SLC35F4: variants seen among roughly 807,000 people sequenced by gnomAD.
SLC35F4 encodes the protein solute carrier family 35 member F4, also known as chromosome 14 open reading frame 36.
Under a neutral mutation model 44.2 loss-of-function variants are expected in SLC35F4, and 24 were observed. That is an observed-to-expected ratio of 0.54 (90% CI 0.39 to 0.76). SLC35F4 has a LOEUF of 0.76. SLC35F4 is among the 30% of genes least tolerant of loss of function. The pLI is 0.00. For synonymous variants in SLC35F4, 238 were observed against 223.6 expected (o/e 1.06, Z -0.57); for missense variants, 562 against 586.1 (o/e 0.96, Z 0.42).
At chr14:57,965,088 A>T (rs1458903799) in intron 1 of SLC35F4, among the ~76,000 whole-genome samples, 1 of 151,614 alleles carries the variant, frequency 6.6e-6, no homozygotes, top group African/African-American at 2.4e-5. Context: ...GTTACAAATT[A>T]CCACAAACTT....
chr14:57,824,896 G>T (rs1437629965), intron 1 of SLC35F4, among the ~76,000 whole-genome samples: 2 of 152,154 alleles, frequency 1.3e-5, no homozygotes, highest in African/African-American at 4.8e-5. Context: ...GGGGTTTAAA[G>T]ATGATATCAT....
intron 1 of SLC35F4, among the ~76,000 whole-genome samples, chr14:57,700,424 T>C (rs1280492720): frequency 1.3e-5 from 2 of 152,218 alleles, no homozygotes; most frequent in East Asian, 1.9e-4. Flanking sequence ...CCTAGGACAT[T>C]ACTGTACACT....
chr14:57,849,738 G>A (rs1886386540), intron 1 of SLC35F4, among the ~76,000 whole-genome samples: 2 of 152,110 alleles, frequency 1.3e-5, no homozygotes, highest in Admixed American at 6.6e-5. Context: ...GAGAGAAAAG[G>A]TTAGAACCTG....
At chr14:57,590,053 A>G (rs951792145) in intron 2 of SLC35F4, among the ~76,000 whole-genome samples, 4 of 151,970 alleles carry the variant, frequency 2.6e-5, no homozygotes, top group Non-Finnish European at 5.9e-5. Flanking sequence ...AGCGAGTGAG[A>G]AATAAATATT....
intron 1 of SLC35F4, among the ~76,000 whole-genome samples, chr14:57,736,412 T>C (rs1443153753): frequency 6.6e-6 from 1 of 152,204 alleles, no homozygotes; most frequent in Non-Finnish European, 1.5e-5. Flanking sequence ...GATATGTATT[T>C]ACTGCACAGG....
At chr14:57,876,280 T>G (rs1825796544) in intron 1 of SLC35F4, among the ~76,000 whole-genome samples, 1 of 124,322 alleles carries the variant, frequency 8.0e-6, no homozygotes, top group African/African-American at 6.0e-5. Context: ...TAACTTACCC[T>G]TTGTGCTTAC....
At chr14:57,746,625 TAA>T (rs34579354) in intron 1 of SLC35F4, among the ~76,000 whole-genome samples, 2 of 152,026 alleles carry the variant, frequency 1.3e-5, no homozygotes, top group Admixed American at 6.6e-5. Flanking sequence ...ATATCTTTGT[TAA>T]AAAAAGTTTT....
intron 1 of SLC35F4, among the ~76,000 whole-genome samples, chr14:57,599,972 G>A (rs1344822479): frequency 6.6e-6 from 1 of 152,102 alleles, no homozygotes; most frequent in African/African-American, 2.4e-5. Flanking sequence ...GCCAAAGCCA[G>A]GAGATAAGAC....
chr14:57,735,949 A>G (rs1379751456), intron 1 of SLC35F4, among the ~76,000 whole-genome samples: 2 of 152,084 alleles, frequency 1.3e-5, no homozygotes, highest in Non-Finnish European at 2.9e-5. Flanking sequence ...TCCTGGCCTC[A>G]AGGGATACTA....
chr14:57,856,059 T>C (rs1248671103), intron 1 of SLC35F4, among the ~76,000 whole-genome samples: 1 of 151,540 alleles, frequency 6.6e-6, no homozygotes, highest in Non-Finnish European at 1.5e-5. Flanking sequence ...CAGGCTGGAG[T>C]GCAATGGCAT....
intron 1 of SLC35F4, chr14:57,596,524 A>G: frequency 3.0e-6 from 1 of 337,088 alleles, no homozygotes; most frequent in Non-Finnish European, 5.8e-6. Flanking sequence ...ATTTATTTTT[A>G]TAAGGTATGC....
chr14:57,624,421 A>G (rs905708427), intron 1 of SLC35F4, among the ~76,000 whole-genome samples: 1 of 152,252 alleles, frequency 6.6e-6, no homozygotes, highest in Non-Finnish European at 1.5e-5. Context: ...AACAATAGAA[A>G]AAGAGGGAAG....
At chr14:57,612,933 A>G (rs2071598516) in intron 1 of SLC35F4, among the ~76,000 whole-genome samples, 1 of 152,142 alleles carries the variant, frequency 6.6e-6, no homozygotes, top group Non-Finnish European at 1.5e-5. Context: ...AAGTCAATAA[A>G]CTCCAGATGC....
intron 1 of SLC35F4, among the ~76,000 whole-genome samples, chr14:57,860,843 C>T (rs1362023548): frequency 6.6e-6 from 1 of 152,136 alleles, no homozygotes; most frequent in Non-Finnish European, 1.5e-5. Context: ...TTCCCTGTCC[C>T]TAATTATCTA....
rs1037278315 is a variant in SLC35F4 at position 57,944,933 on chromosome 14, A to G, written n.282+36980T>C. Among the ~76,000 whole-genome samples the G allele has an allele frequency of 3.9e-5, 6 of 151,906 alleles. No individual in the cohort carries two copies. In the East Asian group the frequency reaches 7.8e-4, roughly 20 times the overall value. On this transcript the variant is annotated intron_variant and non_coding_transcript_variant, in intron 1 of 1. Transcript: ENST00000556568. ...GTACAACCTTACACACACAAAAAAT[A>G]CTCCTGTAAGGACATCTGCCCAGCA...
At chr14:57,726,092 G>C (rs2475017) in intron 1 of SLC35F4, among the ~76,000 whole-genome samples, 1 of 152,148 alleles carries the variant, frequency 6.6e-6, no homozygotes, top group Non-Finnish European at 1.5e-5. Flanking sequence ...TGGCTGGGGT[G>C]ATTGACCCAG....
At chr14:57,673,937 C>T (rs1198539781) in intron 1 of SLC35F4, among the ~76,000 whole-genome samples, 1 of 151,892 alleles carries the variant, frequency 6.6e-6, no homozygotes, top group African/African-American at 2.4e-5. Flanking sequence ...GTAAACAACC[C>T]TCAAAAATGG....
chr14:57,863,632 G>T (rs1458726732), intron 1 of SLC35F4, among the ~76,000 whole-genome samples: 1 of 152,170 alleles, frequency 6.6e-6, no homozygotes, highest in African/African-American at 2.4e-5. Flanking sequence ...CAGTGTGTTT[G>T]TTTACTAGTT....
chr14:57,770,187 C>A (rs1013132255), intron 1 of SLC35F4, among the ~76,000 whole-genome samples: 2 of 152,156 alleles, frequency 1.3e-5, no homozygotes, highest in African/African-American at 4.8e-5. Flanking sequence ...TCACCATGGG[C>A]ATGGAAGTGC....
Sources: allele counts gnomAD v4.1 joint callset (sites outside exome capture counted in the v4.1 genomes callset), GRCh38; gene constraint gnomAD v4.1.1; transcripts MANE v1.5; gene names NCBI Gene and HGNC (gene_info 2026-07-23, HGNC 2026-07-21).